GLYR1: variants seen among roughly 807,000 people sequenced by gnomAD.
GLYR1 encodes glyoxylate reductase 1 homolog.
Under a neutral mutation model 72.7 loss-of-function variants are expected in GLYR1, and 21 were observed. That is an observed-to-expected ratio of 0.29 (90% confidence interval 0.20 to 0.42). GLYR1 has a LOEUF of 0.42. Among genes scored for constraint, GLYR1 ranks in the 10% least tolerant of loss-of-function variants. GLYR1 has a pLI of 1.00. For missense variants in GLYR1, 594 were observed against 712.1 expected (o/e 0.83, Z 1.89); for synonymous variants, 392 against 270.2 (o/e 1.45, Z -4.42).
chr16:4,826,042 G>A (rs2084361660), intron 5 of GLYR1, among the ~76,000 whole-genome samples: 2 of 151,962 alleles, frequency 1.3e-5, no homozygotes, highest in South Asian at 4.2e-4. Context: ...CACTGGTGTG[G>A]TAGACACAAC....
chr16:4,837,822 T>C (rs2085250896), intron 3 of GLYR1, among the ~76,000 whole-genome samples: 1 of 151,854 alleles, frequency 6.6e-6, no homozygotes, highest in Non-Finnish European at 1.5e-5. Flanking sequence ...TCCCAGCTAC[T>C]CCGGAGGCTG....
intron 3 of GLYR1, among the ~76,000 whole-genome samples, chr16:4,842,585 T>G (rs1305024753): frequency 6.6e-6 from 1 of 152,252 alleles, no homozygotes; most frequent in Non-Finnish European, 1.5e-5. Flanking sequence ...GGTCTCCGGC[T>G]CCTGGGCTCA....
chr16:4,847,179 G>C, intron 1 of GLYR1, 49 bp downstream of exon 1: 1 of 1,549,558 alleles, frequency 6.5e-7, no homozygotes, highest in East Asian at 2.3e-5. Context: ...CCGCGCCCAG[G>C]CGGGTAGCTC....
chr16:4,830,294 A>G (rs2084709061), intron 5 of GLYR1, among the ~76,000 whole-genome samples: 1 of 147,534 alleles, frequency 6.8e-6, no homozygotes, highest in Non-Finnish European at 1.5e-5. Flanking sequence ...TCCTGGGCTC[A>G]TGTGATCTTC....
intron 1 of GLYR1, among the ~76,000 whole-genome samples, chr16:4,846,429 G>A (rs2086069942): frequency 6.6e-6 from 1 of 152,216 alleles, no homozygotes; most frequent in Non-Finnish European, 1.5e-5. Context: ...AAGGAATACA[G>A]AACAACACAA....
At position 4,829,918 on chromosome 16, in the gene GLYR1, C is replaced by G. The variant is rs185267662; in HGVS notation, c.537+2061G>C. Among the ~76,000 whole-genome samples, 244 of 152,300 alleles carry G rather than the reference C, an allele frequency of 1.6e-3. 1 individual carries two copies. The highest frequency in any genetic ancestry group is 5.6e-3 in the African/African-American group (232 of 41,570). On this transcript the variant is annotated intron_variant, in intron 5 of 15. Coordinates refer to ENST00000321919, the MANE Select transcript of GLYR1 (RefSeq NM_032569.4). ...GAACTCCCGACCTGAGGTGAACCACCTGCCTCGGCCTCCCAAAGTGCTGGG... is the reference window on the plus strand; with the variant it reads ...GAACTCCCGACCTGAGGTGAACCACGTGCCTCGGCCTCCCAAAGTGCTGGG...
chr16:4,807,889 G>C (rs1405463492), intron 15 of GLYR1, among the ~76,000 whole-genome samples: 1 of 152,216 alleles, frequency 6.6e-6, no homozygotes, highest in East Asian at 1.9e-4. Context: ...ATCTGAAAGA[G>C]TCATGAAATA....
chr16:4,844,951 A>G lies in GLYR1; in HGVS notation c.155+123T>C, dbSNP rs1233552145. ...TATTTAGGTATGAAGGCAGAATGAGATGCCAGTATTACACATTATAAGAAG... is the reference window on the plus strand; with the variant it reads ...TATTTAGGTATGAAGGCAGAATGAGGTGCCAGTATTACACATTATAAGAAG... On this transcript the variant is annotated intron_variant, in intron 3 of 15. Transcript: ENST00000321919. 3 of 683,722 alleles carry G rather than the reference A, an allele frequency of 4.4e-6. No homozygotes were observed. In the East Asian group the frequency reaches 7.6e-5, roughly 17 times the overall value. The allele number at this position is 683,722 out of a possible 1,614,324, so 42.4% of individuals were successfully genotyped here.
intron 15 of GLYR1, among the ~76,000 whole-genome samples, chr16:4,805,814 A>C (rs570462250): frequency 1.3e-4 from 20 of 152,072 alleles, no homozygotes; most frequent in South Asian, 4.2e-4. Context: ...CTTCTTTAAA[A>C]AAAAAAAATA....
At chr16:4,846,820 C>G (rs573022825) in intron 1 of GLYR1, 1 of 281,894 alleles carries the variant, frequency 3.5e-6, no homozygotes, top group Admixed American at 5.3e-5. Context: ...GCATCGCAAC[C>G]TGGGCTTTGA....
rs757591827 is a variant in GLYR1, at chr16:4,823,893, C to A, written c.552G>T (p.Pro184=). The A allele has an allele frequency of 3.7e-6, 6 of 1,613,950 alleles. No homozygotes were observed. The East Asian group carries it at 1.1e-4, about 30-fold the overall frequency. The part of the protein sequence containing the change: ...PPKDEKDLTI[P]ESSTVKGMMA... Reference sequence around the variant, plus strand: ...TCATCCCCTTCACGGTACTAGACTCCGGGATGGTGAGATCCTATAGAGGGA... The same window carrying A: ...TCATCCCCTTCACGGTACTAGACTCAGGGATGGTGAGATCCTATAGAGGGA... Residue 184 remains proline, a synonymous_variant, in exon 6 of 16, where the codon CCG becomes CCT. Coordinates refer to ENST00000321919, the MANE Select transcript of GLYR1 (RefSeq NM_032569.4).
chr16:4,821,927 G>A (rs7190526), intron 7 of GLYR1, among the ~76,000 whole-genome samples: 18,652 of 152,214 alleles, frequency 0.12, 1,975 homozygotes, highest in African/African-American at 0.29. Flanking sequence ...ACCTTGGGAG[G>A]ACCTCCCTCT....
At chr16:4,834,265 C>T (rs1383704043) in intron 3 of GLYR1, among the ~76,000 whole-genome samples, 3 of 150,498 alleles carry the variant, frequency 2.0e-5, no homozygotes, top group African/African-American at 7.4e-5. Context: ...CTCCCTGGCA[C>T]AGCTCCAACT....
intron 12 of GLYR1, 150 bp downstream of exon 12, chr16:4,813,587 C>A: frequency 1.5e-6 from 1 of 672,900 alleles, no homozygotes; most frequent in South Asian, 1.7e-5. Context: ...GAAGGTGGAG[C>A]ACGGGATAGG....
intron 15 of GLYR1, among the ~76,000 whole-genome samples, chr16:4,807,124 T>G (rs1210408187): frequency 6.8e-6 from 1 of 147,666 alleles, no homozygotes; most frequent in Non-Finnish European, 1.5e-5. Flanking sequence ...TTTTTTTTTT[T>G]TTTTTGAGAC....
intron 3 of GLYR1, among the ~76,000 whole-genome samples, chr16:4,835,870 C>T (rs2085097160): frequency 6.6e-6 from 1 of 152,166 alleles, no homozygotes; most frequent in Non-Finnish European, 1.5e-5. Context: ...TACCAGAGCT[C>T]TATGGGGATT....
chr16:4,816,521 T>C (rs1446239589), intron 10 of GLYR1, among the ~76,000 whole-genome samples: 1 of 152,198 alleles, frequency 6.6e-6, no homozygotes, highest in Non-Finnish European at 1.5e-5. Context: ...ATATTACCCT[T>C]CTTACGTATT....
At chr16:4,810,731 A>AT (rs1567654024) in intron 15 of GLYR1, among the ~76,000 whole-genome samples, 4 of 142,494 alleles carry the variant, frequency 2.8e-5, no homozygotes, top group African/African-American at 1.0e-4. Flanking sequence ...AAAAAAAAAA[A>AT]AATTAGCCGG....
intron 3 of GLYR1, among the ~76,000 whole-genome samples, chr16:4,834,189 AGCG>A (rs914841428): frequency 6.6e-5 from 10 of 152,176 alleles, no homozygotes; most frequent in Non-Finnish European, 1.0e-4. Context: ...GATGTCAGGC[AGCG>A]AACCACTATC....
Sources: gnomAD v4.1 joint callset for allele counts (sites outside exome capture counted in the v4.1 genomes callset) on GRCh38, gnomAD v4.1.1 for gene constraint, MANE v1.5 for transcripts, NCBI Gene and HGNC (gene_info 2026-07-23, HGNC 2026-07-21) for gene names.